Variants in FUBP1 observed in about 807,000 individuals in gnomAD.
FUBP1 encodes the protein far upstream element-binding protein 1.
Under a neutral mutation model 94.9 loss-of-function variants are expected in FUBP1, and 16 were observed. The observed-to-expected ratio is 0.17, with a 90% CI of 0.11 to 0.26. The LOEUF is 0.26. FUBP1 is among the 10% of genes least tolerant of loss of function. FUBP1 has a pLI of 1.00. For synonymous variants in FUBP1, 279 were observed against 254.9 expected, an observed-to-expected ratio of 1.09 and a Z score of -0.90; for missense variants, 583 against 808.6, an observed-to-expected ratio of 0.72 and a Z score of 3.38.
rs1469621031 is a variant in FUBP1 at position 77,945,153 on chromosome 1, T to A, written c.*3613A>T. ...GGCTTATGGTAATGAATAAAAGAAT[T>A]CTCATGAGACAGAAACAATGCCCCA... On this transcript the variant is annotated 3_prime_UTR_variant, in exon 20 of 20. Transcript: ENST00000370768. Among the ~76,000 whole-genome samples, 5 of 151,950 alleles carry A rather than the reference T, an allele frequency of 3.3e-5. No individual in the cohort carries two copies.
rs766838939 is a variant in FUBP1, at chr1:77,960,479, A to G, written c.1361T>C (p.Leu454Ser). 3.4e-5 allele frequency: 55 copies of G among 1,601,474 alleles called. No homozygotes were observed. Among genetic ancestry groups the G allele is most frequent in the Non-Finnish European group, 4.5e-5 (53 of 1,176,312 alleles). Residue 454 changes from leucine (L) to serine (S), a missense_variant, in exon 15 of 20, where the codon TTA (leucine) becomes TCA (serine). By Grantham distance (145) the Leu-to-Ser change is moderately radical (BLOSUM62 -2). Transcript: ENST00000370768. ...EEKIGGPVNP[L>S]GPPVPHGPHG... ...GGGCCCATGGGGTACAGGTGGCCCT[A>G]AAGGATTTACTGGGCCCTACAAAAA...
chr1:77,973,448 G>C (rs1423233649), intron 1 of FUBP1, among the ~76,000 whole-genome samples: 1 of 151,928 alleles, frequency 6.6e-6, no homozygotes, highest in African/African-American at 2.4e-5. Context: ...GTTTCACCTT[G>C]TTGGCCAGGC....
chr1:77,949,514 C>A (rs1652944589), intron 18 of FUBP1, among the ~76,000 whole-genome samples: 2 of 151,070 alleles, frequency 1.3e-5, no homozygotes, highest in Middle Eastern at 3.4e-3. Context: ...CACAGAGGGT[C>A]AGAATTACTC....
At position 77,964,345 on chromosome 1, in the gene FUBP1, T is replaced by G; in HGVS notation, c.849A>C (p.Pro283=). 1 of 1,585,930 alleles carries G rather than the reference T, an allele frequency of 6.3e-7. No individual in the cohort carries two copies. The highest frequency in any genetic ancestry group is 8.6e-7 in the Non-Finnish European group (1 of 1,162,776). The change falls in exon 11 of 20, where the codon CCA becomes CCC. Residue 283 remains proline, a synonymous_variant. Coordinates refer to ENST00000370768, the MANE Select transcript of FUBP1 (RefSeq NM_003902.5). ...GGNEGIDVPI[P]RFAVGIVIGR... is the part of the protein sequence containing the mutation. ...CTATTACAATGCCAACAGCAAATCT[T>G]GGAATGGGGACCTTATGTAAAAAAG...
chr1:77,963,823 A>G (rs1319742291), intron 12 of FUBP1, 108 bp from the exon 13 acceptor site: 2 of 896,350 alleles, frequency 2.2e-6, no homozygotes, highest in Non-Finnish European at 3.4e-6. Context: ...TGAATCAGAA[A>G]TGTAGAGATG....
chr1:77,954,601 C>T (rs939500522), intron 18 of FUBP1, among the ~76,000 whole-genome samples: 4 of 152,048 alleles, frequency 2.6e-5, no homozygotes, highest in Non-Finnish European at 5.9e-5. Context: ...CCAAGTAGAC[C>T]GTTCTCTTAT....
Position 77,966,875 on chromosome 1 carries a change from TA to T in FUBP1, c.415+8del. On this transcript the variant is annotated splice_region_variant and intron_variant, in intron 6 of 19. Transcript: ENST00000370768. ...TCACACTGAAAATACCATGAGAATGTAACATTACCAGGAGCTATCTGTATTT... is the reference window on the plus strand; with the variant it reads ...TCACACTGAAAATACCATGAGAATGTACATTACCAGGAGCTATCTGTATTT... The T allele has an allele frequency of 1.3e-6, 2 of 1,543,502 alleles. No homozygotes were observed. Among genetic ancestry groups the T allele is most frequent in the Non-Finnish European group, 1.8e-6 (2 of 1,116,664 alleles).
Position 77,944,854 on chromosome 1 carries a change from TA to T in FUBP1, c.*3911del, listed in dbSNP as rs1425498843. Reference sequence around the variant, plus strand: ...TTAGTATTAAAACCATTTTTTATATTAAAAAATAAAACTATACTTCTCATTT... The same window carrying T: ...TTAGTATTAAAACCATTTTTTATATTAAAAATAAAACTATACTTCTCATTT... On this transcript the variant is annotated 3_prime_UTR_variant, in exon 20 of 20. Transcript: ENST00000370768. 2.0e-5 allele frequency among the ~76,000 whole-genome samples: 3 copies of T among 151,932 alleles called. No individual in the cohort carries two copies. The highest frequency in any genetic ancestry group is 2.1e-4 in the South Asian group (1 of 4,828).
intron 18 of FUBP1, among the ~76,000 whole-genome samples, chr1:77,953,809 A>G (rs1389711164): frequency 6.6e-6 from 1 of 152,264 alleles, no homozygotes; most frequent in East Asian, 1.9e-4. Flanking sequence ...AAGACTAAAC[A>G]GTAAATGTAT....
chr1:77,973,643 A>G lies in FUBP1; in HGVS notation c.121-3628T>C, dbSNP rs528885115. Among the ~76,000 whole-genome samples, 194 of 152,338 alleles carry G rather than the reference A, an allele frequency of 1.3e-3. 1 individual carries two copies. Among genetic ancestry groups the G allele is most frequent in the African/African-American group, 4.5e-3 (187 of 41,576 alleles). On this transcript the variant is annotated intron_variant, in intron 1 of 19. Coordinates refer to ENST00000370768, the MANE Select transcript of FUBP1 (RefSeq NM_003902.5). ...GTAAGTTATTTTTCCTGTTTTCACT[A>G]CTTTAACATTTCTCACCTCTATTGA... is the stretch of plus-strand genomic sequence containing the variant.
chr1:77,945,205 AT>A lies in FUBP1; in HGVS notation c.*3560del, dbSNP rs202121047. ...TATCTATTATCATCAATCTATCTGT[AT>A]TTTTTTTTATAAAAATGCAATCTAC... On this transcript the variant is annotated 3_prime_UTR_variant, in exon 20 of 20. Transcript: ENST00000370768. Among the ~76,000 whole-genome samples the A allele has an allele frequency of 0.027, 4,131 of 151,338 alleles. 100 individuals are homozygous for A. The highest frequency in any genetic ancestry group is 0.11 in the South Asian group (545 of 4,792).
intron 16 of FUBP1, among the ~76,000 whole-genome samples, chr1:77,958,282 GATTC>G: frequency 6.6e-6 from 1 of 152,126 alleles, no homozygotes; most frequent in Non-Finnish European, 1.5e-5. Flanking sequence ...CACTCAACCC[GATTC>G]ATTCATTTAT....
intron 16 of FUBP1, among the ~76,000 whole-genome samples, chr1:77,959,523 T>C (rs1291301204): frequency 6.6e-6 from 1 of 152,116 alleles, no homozygotes; most frequent in Admixed American, 6.5e-5. Flanking sequence ...GTTATATATA[T>C]ATATTTATAT....
At chr1:77,978,756 T>A in intron 1 of FUBP1, 129 bp downstream of exon 1, 3 of 1,153,538 alleles carry the variant, frequency 2.6e-6, no homozygotes, top group Non-Finnish European at 3.8e-6. Flanking sequence ...TGGGGAAACG[T>A]GTCTCTTCAC....
At chr1:77,955,447 G>A (rs960711567) in intron 17 of FUBP1, 118 bp from the exon 18 acceptor site, 1 of 661,496 alleles carries the variant, frequency 1.5e-6, no homozygotes. Context: ...GGGTAGGAGG[G>A]AAGTACTATG....
chr1:77,978,544 C>G (rs1005511187), intron 1 of FUBP1, among the ~76,000 whole-genome samples: 2 of 152,218 alleles, frequency 1.3e-5, no homozygotes, highest in African/African-American at 4.8e-5. Context: ...CCAGAACCTT[C>G]CATTAAATTG....
chr1:77,973,041 A>C (rs1325510150), intron 1 of FUBP1, among the ~76,000 whole-genome samples: 1 of 151,836 alleles, frequency 6.6e-6, no homozygotes, highest in Non-Finnish European at 1.5e-5. Context: ...GAAAAAACAA[A>C]ATGAACTGTA....
intron 13 of FUBP1, 59 bp downstream of exon 13, chr1:77,963,515 A>G: frequency 2.0e-6 from 2 of 991,162 alleles, no homozygotes; most frequent in Non-Finnish European, 3.1e-6. Flanking sequence ...CGACAGCAAC[A>G]GAAAGTGTCC....
chr1:77,950,634 G>A (rs1177392492), intron 18 of FUBP1, among the ~76,000 whole-genome samples: 1 of 152,082 alleles, frequency 6.6e-6, no homozygotes, highest in Non-Finnish European at 1.5e-5. Flanking sequence ...ATAAAAAATT[G>A]AGAAGAGAGA....
Sources: allele counts gnomAD v4.1 joint callset (sites outside exome capture counted in the v4.1 genomes callset), GRCh38; gene constraint gnomAD v4.1.1; transcripts MANE v1.5; gene names NCBI Gene and HGNC (gene_info 2026-07-23, HGNC 2026-07-21).